LRRC63: variants seen among roughly 807,000 people sequenced by gnomAD.
LRRC63 encodes leucine-rich repeat-containing protein 63.
LRRC63 carries 40 observed loss-of-function variants against 49.5 expected under a neutral mutation model. The observed-to-expected ratio is 0.81, with a 90% CI of 0.63 to 1.05. The LOEUF (loss-of-function observed/expected upper bound fraction) is 1.05, where lower values mean the gene tolerates loss of function less well. Ranked by LOEUF, LRRC63 falls within the 50% of genes least tolerant of loss-of-function variation. LRRC63 has a pLI of 0.00. For synonymous variants in LRRC63, 191 were observed against 221.1 expected (o/e 0.86, Z 1.21); for missense variants, 636 against 663.1 (o/e 0.96, Z 0.45).
At chr13:46,226,048 A>G (rs1022086617) in intron 2 of LRRC63, among the ~76,000 whole-genome samples, 3 of 151,938 alleles carry the variant, frequency 2.0e-5, no homozygotes, top group African/African-American at 7.3e-5. Flanking sequence ...CAGTGGTACA[A>G]TCATGGCTCA....
chr13:46,222,590 A>G lies in LRRC63; in HGVS notation c.86-4922A>G, dbSNP rs551538890. Among the ~76,000 whole-genome samples, 1,043 of 152,128 alleles carry G rather than the reference A, an allele frequency of 6.9e-3. 5 individuals are homozygous for G. The highest frequency in any genetic ancestry group is 0.025 in the South Asian group (118 of 4,798). On this transcript the variant is annotated intron_variant, in intron 2 of 9. Transcript: ENST00000595396. ...GTGCTGGAGAGGATGTGGAGAAATA[A>G]GAACACTTTTACACTGTTGGTGGGA...
intron 5 of LRRC63, among the ~76,000 whole-genome samples, chr13:46,244,236 G>A (rs2047149246): frequency 6.6e-6 from 1 of 152,124 alleles, no homozygotes; most frequent in Non-Finnish European, 1.5e-5. Flanking sequence ...GGGGCTAAAT[G>A]TATATATCTA....
intron 6 of LRRC63, among the ~76,000 whole-genome samples, chr13:46,249,157 T>TA (rs2047304841): frequency 6.6e-6 from 1 of 151,772 alleles, no homozygotes. Context: ...GAGGGAAACT[T>TA]ATAGCTGTAA....
At chr13:46,276,826 G>GTATA (rs752992115) in exon 10 of LRRC63, 269 of 165,314 alleles carry the variant, frequency 1.6e-3, no homozygotes, top group African/African-American at 7.7e-3. Flanking sequence ...TCGTATGTGT[G>GTATA]TGTATATATA....
intron 9 of LRRC63, chr13:46,270,667 G>A (rs1414678941): frequency 9.0e-6 from 7 of 777,688 alleles, no homozygotes; most frequent in African/African-American, 3.4e-5. Flanking sequence ...TTGTTACCTG[G>A]CCTAAACCAT....
At chr13:46,220,725 G>A (rs557575742) in intron 2 of LRRC63, among the ~76,000 whole-genome samples, 1 of 152,160 alleles carries the variant, frequency 6.6e-6, no homozygotes, top group Admixed American at 6.5e-5. Context: ...TTGAAACCCA[G>A]GGCCCTGGTG....
intron 8 of LRRC63, among the ~76,000 whole-genome samples, chr13:46,263,744 C>T (rs1162639271): frequency 1.3e-5 from 2 of 152,164 alleles, no homozygotes; most frequent in Non-Finnish European, 2.9e-5. Context: ...TTTTCCTTTG[C>T]ATCATGTCTC....
Position 46,276,232 on chromosome 13 carries a change from A to T in LRRC63, c.1551-358A>T, listed in dbSNP as rs141560354. ...TATTTATTTTGTATCATAAAAAATA[A>T]CATGTTTATTATAAAAAATTAGAAA... is the stretch of plus-strand genomic sequence containing the variant. On this transcript the variant is annotated intron_variant, in intron 9 of 9. Coordinates refer to ENST00000595396, the Ensembl canonical transcript of LRRC63. Among the ~76,000 whole-genome samples the T allele has an allele frequency of 8.1e-3, 1,226 of 151,244 alleles. 21 individuals are homozygous for T. The highest frequency in any genetic ancestry group is 0.028 in the African/African-American group (1,142 of 40,644).
chr13:46,213,620 G>T lies in LRRC63; in HGVS notation c.85+501G>T, dbSNP rs532775881. ...TCCTGAGCACAAGAAGGCTGTGATG[G>T]GCCTTACAGAGAACAAGATATGTGT... On this transcript the variant is annotated intron_variant, in intron 2 of 9. Coordinates refer to ENST00000595396, the Ensembl canonical transcript of LRRC63. 9.9e-5 allele frequency among the ~76,000 whole-genome samples: 15 copies of T among 152,278 alleles called. No individual in the cohort carries two copies. The South Asian group carries it at 3.1e-3, about 32-fold the overall frequency.
intron 9 of LRRC63, among the ~76,000 whole-genome samples, chr13:46,271,486 T>G (rs1384315966): frequency 6.6e-6 from 1 of 152,096 alleles, no homozygotes; most frequent in Non-Finnish European, 1.5e-5. Flanking sequence ...TGAAACAAAG[T>G]AAAACTGCAA....
intron 2 of LRRC63, among the ~76,000 whole-genome samples, chr13:46,224,273 TC>T (rs1354421370): frequency 6.6e-6 from 1 of 152,178 alleles, no homozygotes; most frequent in Non-Finnish European, 1.5e-5. Flanking sequence ...TTTATTTTTG[TC>T]TGACTGGATT....
chr13:46,260,454 C>T (rs1259263221), intron 7 of LRRC63, among the ~76,000 whole-genome samples: 1 of 152,126 alleles, frequency 6.6e-6, no homozygotes, highest in Admixed American at 6.5e-5. Context: ...TTATGATTTA[C>T]TCAGCACTTA....
At chr13:46,270,687 A>G (rs2047745822) in intron 9 of LRRC63, 3 of 687,086 alleles carry the variant, frequency 4.4e-6, no homozygotes, top group Admixed American at 3.9e-5. Flanking sequence ...TCAGTGCACG[A>G]AAGGAGAAGA....
Position 46,276,790 on chromosome 13 carries a change from CA to C in LRRC63, c.1755del (p.Glu586AsnfsTer34). ...AGAATAGCTCTAGATGTGGAGTTGT[CA>C]AAAGAATTATAGTACAATGATTTAT... On this transcript the variant is annotated frameshift_variant, in exon 10 of 10. Coordinates refer to ENST00000595396, the Ensembl canonical transcript of LRRC63. LOFTEE classifies it high-confidence loss of function. 8.8e-7 allele frequency: 1 copy of C among 1,131,524 alleles called. No individual in the cohort carries two copies. The highest frequency in any genetic ancestry group is 1.1e-6 in the Non-Finnish European group (1 of 910,106). 70.1% of individuals were successfully genotyped at this position (1,131,524 alleles called of 1,614,324 possible).
At chr13:46,249,238 C>T (rs747391532) in intron 6 of LRRC63, among the ~76,000 whole-genome samples, 3 of 151,420 alleles carry the variant, frequency 2.0e-5, no homozygotes, top group Non-Finnish European at 4.4e-5. Flanking sequence ...AAAAAAAGGG[C>T]AAACTAAACC....
intron 2 of LRRC63, among the ~76,000 whole-genome samples, chr13:46,214,350 T>C (rs1338406584): frequency 6.6e-6 from 1 of 152,248 alleles, no homozygotes; most frequent in Non-Finnish European, 1.5e-5. Flanking sequence ...TTTTGTTACA[T>C]GATTTTTACA....
At chr13:46,257,136 A>T (rs2765615) in intron 7 of LRRC63, among the ~76,000 whole-genome samples, 46,671 of 152,052 alleles carry the variant, frequency 0.31, 7,352 homozygotes, top group East Asian at 0.37. Context: ...GGTTTTGAAG[A>T]TGGAGGAAGG....
intron 2 of LRRC63, among the ~76,000 whole-genome samples, chr13:46,224,534 A>C (rs1295980024): frequency 1.3e-5 from 2 of 152,132 alleles, no homozygotes; most frequent in African/African-American, 4.8e-5. Context: ...TTTAAAATTG[A>C]AATTTTGAAT....
At chr13:46,264,882 T>G (rs2047661835) in intron 8 of LRRC63, among the ~76,000 whole-genome samples, 1 of 152,082 alleles carries the variant, frequency 6.6e-6, no homozygotes, top group African/African-American at 2.4e-5. Context: ...AGCAGCCAGG[T>G]GCAGTGGCTC....
Sources: gnomAD v4.1 joint callset for allele counts (sites outside exome capture counted in the v4.1 genomes callset) on GRCh38, gnomAD v4.1.1 for gene constraint, MANE v1.5 for transcripts, NCBI Gene and HGNC (gene_info 2026-07-23, HGNC 2026-07-21) for gene names.